Variants in CELF4 observed in about 807,000 individuals in gnomAD.
The protein encoded by CELF4 is CUG-BP- and ETR-3-like factor 4.
A neutral mutation model predicts 59.9 loss-of-function variants in CELF4; 18 were observed. That is an observed-to-expected ratio of 0.30 (90% CI 0.21 to 0.45). CELF4 has a LOEUF of 0.45. CELF4 is among the 20% of genes least tolerant of loss of function. The pLI, the probability that CELF4 is intolerant of heterozygous loss-of-function variation, is 1.00. For missense variants in CELF4, 456 were observed against 689.0 expected, an observed-to-expected ratio of 0.66 and a Z score of 3.79; for synonymous variants, 261 against 267.1, an observed-to-expected ratio of 0.98 and a Z score of 0.22.
chr18:37,456,328 T>C (rs1398124505), intron 2 of CELF4, among the ~76,000 whole-genome samples: 1 of 152,172 alleles, frequency 6.6e-6, no homozygotes, highest in East Asian at 1.9e-4. Flanking sequence ...TGGCCCGTAG[T>C]GCTGGCTTGT....
intron 1 of CELF4, among the ~76,000 whole-genome samples, chr18:37,560,671 TA>T (rs1418533215): frequency 6.6e-6 from 1 of 152,050 alleles, no homozygotes; most frequent in Non-Finnish European, 1.5e-5. Context: ...TCAAAGTAAT[TA>T]AAAAAAAGTT....
intron 2 of CELF4, among the ~76,000 whole-genome samples, chr18:37,344,035 T>A (rs2098157005): frequency 6.6e-6 from 1 of 152,202 alleles, no homozygotes; most frequent in Non-Finnish European, 1.5e-5. Flanking sequence ...TTAGATCTCT[T>A]AGCATCAACC....
chr18:37,253,134 ACTC>A lies in CELF4; in HGVS notation c.*44+630_*44+632del, dbSNP rs1252161711. Among the ~76,000 whole-genome samples, 1 of 151,916 alleles carries A rather than the reference ACTC, an allele frequency of 6.6e-6. No individual in the cohort carries two copies. The highest frequency in any genetic ancestry group is 1.5e-5 in the Non-Finnish European group (1 of 67,968). On this transcript the variant is annotated intron_variant, in intron 12 of 12. Coordinates refer to ENST00000420428, the MANE Select transcript of CELF4 (RefSeq NM_020180.4). The surrounding 1 kb of genome is among the most constrained non-coding windows in gnomAD (Gnocchi z 4.5). The stretch of plus-strand genomic sequence containing the variant: ...CCCAGCAGAAAAGGTAACAACGACC[ACTC>A]ATCATGACCCGTGTGGGGCAGGCAG...
chr18:37,455,896 T>C (rs571905246), intron 2 of CELF4, among the ~76,000 whole-genome samples: 1 of 152,172 alleles, frequency 6.6e-6, no homozygotes, highest in Non-Finnish European at 1.5e-5. Context: ...CGCAACCTCC[T>C]TCCTTTGGAG....
chr18:37,326,284 A>G (rs769139911), intron 2 of CELF4, among the ~76,000 whole-genome samples: 1 of 152,192 alleles, frequency 6.6e-6, no homozygotes, highest in Non-Finnish European at 1.5e-5. Context: ...GAGGAAGACC[A>G]GAAGGCCAGT....
chr18:37,295,928 C>A lies in CELF4; in HGVS notation c.449-20685G>T, dbSNP rs1300823831. Among the ~76,000 whole-genome samples, 4 of 152,184 alleles carry A rather than the reference C, an allele frequency of 2.6e-5. No individual in the cohort carries two copies. In the East Asian group the frequency reaches 7.7e-4, roughly 29 times the overall value. On this transcript the variant is annotated intron_variant, in intron 3 of 12. Transcript: ENST00000420428. ...TTGTGTGGGTCTTCGCTTTCTCTTG[C>A]AGATGTGGTAGTGTGAGATTGGTGC...
intron 2 of CELF4, among the ~76,000 whole-genome samples, chr18:37,394,060 GT>G (rs1445674694): frequency 1.3e-5 from 2 of 152,144 alleles, no homozygotes; most frequent in Non-Finnish European, 2.9e-5. Context: ...CAACTGGCGC[GT>G]TCCTCTGGGC....
intron 2 of CELF4, among the ~76,000 whole-genome samples, chr18:37,409,821 G>GCTTT (rs754895679): frequency 1.3e-5 from 2 of 152,200 alleles, no homozygotes; most frequent in Non-Finnish European, 2.9e-5. Flanking sequence ...TAGGTTTCAT[G>GCTTT]CTTTACCTGC....
At chr18:37,557,720 T>C (rs2099985215) in intron 1 of CELF4, among the ~76,000 whole-genome samples, 1 of 152,294 alleles carries the variant, frequency 6.6e-6, no homozygotes, top group East Asian at 1.9e-4. Flanking sequence ...CAGTTCATTA[T>C]CAATTTTTTT....
At chr18:37,435,279 C>A (rs1340360131) in intron 2 of CELF4, among the ~76,000 whole-genome samples, 2 of 152,188 alleles carry the variant, frequency 1.3e-5, no homozygotes, top group Non-Finnish European at 2.9e-5. Flanking sequence ...TTGCAGGAGG[C>A]CCAGGGCTTG....
intron 2 of CELF4, among the ~76,000 whole-genome samples, chr18:37,351,117 GA>G (rs2098431171): frequency 1.3e-5 from 2 of 151,902 alleles, no homozygotes; most frequent in South Asian, 4.2e-4. Flanking sequence ...TGGTGGGGGA[GA>G]GGGGGGCTGG....
chr18:37,562,751 T>G (rs1214043512), intron 1 of CELF4, among the ~76,000 whole-genome samples: 1 of 152,204 alleles, frequency 6.6e-6, no homozygotes, highest in Non-Finnish European at 1.5e-5. Flanking sequence ...GTTTAAACTC[T>G]TCTAGGACTG....
intron 2 of CELF4, among the ~76,000 whole-genome samples, chr18:37,357,863 T>G (rs2098627677): frequency 6.6e-6 from 1 of 152,210 alleles, no homozygotes; most frequent in Non-Finnish European, 1.5e-5. Flanking sequence ...CGGACTTGTG[T>G]GGGGCCTTTA....
At chr18:37,500,522 T>G (rs2099930359) in intron 1 of CELF4, among the ~76,000 whole-genome samples, 1 of 94,858 alleles carries the variant, frequency 1.1e-5, no homozygotes, top group Admixed American at 1.6e-4. Flanking sequence ...TTTTCTTTTC[T>G]TTTCTTTTCT....
At chr18:37,336,265 G>A (rs1485058125) in intron 2 of CELF4, among the ~76,000 whole-genome samples, 3 of 152,122 alleles carry the variant, frequency 2.0e-5, no homozygotes, top group African/African-American at 2.4e-5. Flanking sequence ...ACTCTGTCAC[G>A]CAGGCTGGAG....
intron 3 of CELF4, among the ~76,000 whole-genome samples, chr18:37,311,523 C>T (rs1399329250): frequency 6.6e-6 from 1 of 152,218 alleles, no homozygotes; most frequent in Non-Finnish European, 1.5e-5. Flanking sequence ...GGCCTGGTGG[C>T]TCACACCTGT....
At chr18:37,274,950 G>T in intron 4 of CELF4, 66 bp from the exon 5 acceptor site, 2 of 1,572,950 alleles carry the variant, frequency 1.3e-6, no homozygotes, top group Non-Finnish European at 1.7e-6. Context: ...GGGAGGAGAG[G>T]GCGCATCCCA....
At position 37,521,999 on chromosome 18, in the gene CELF4, T is replaced by C. The variant is rs112094087; in HGVS notation, c.287-36392A>G. Among the ~76,000 whole-genome samples, 1,247 of 152,038 alleles carry C rather than the reference T, an allele frequency of 8.2e-3. 27 individuals are homozygous for C. The highest frequency in any genetic ancestry group is 0.029 in the African/African-American group (1,208 of 41,436). On this transcript the variant is annotated intron_variant, in intron 1 of 12. Transcript: ENST00000420428. ...TTACCGTCACTCAGCACCCGGTGAG[T>C]TTAAGAGTGGAGAATGCCTGCTAAC...
At chr18:37,474,700 T>G (rs1392625302) in intron 2 of CELF4, among the ~76,000 whole-genome samples, 1 of 152,364 alleles carries the variant, frequency 6.6e-6, no homozygotes, top group East Asian at 1.9e-4. Flanking sequence ...GAGTACACAG[T>G]GATTGGTAGC....
Sources: gnomAD v4.1 joint callset for allele counts (sites outside exome capture counted in the v4.1 genomes callset) on GRCh38, gnomAD v4.1.1 for gene constraint, Gnocchi (gnomAD v3.1) non-coding constraint, MANE v1.5 for transcripts, NCBI Gene and HGNC (gene_info 2026-07-23, HGNC 2026-07-21) for gene names.